Variants in KAT6B observed in about 807,000 individuals in gnomAD.
The protein encoded by KAT6B is histone acetyltransferase KAT6B.
In KAT6B, 10 loss-of-function variants were observed where a neutral mutation model predicts 187.5. The observed-to-expected ratio is 0.05, with a 90% CI of 0.03 to 0.09. The LOEUF is 0.09. Ranked by LOEUF, KAT6B falls within the 10% of genes least tolerant of loss-of-function variation. The probability of loss-of-function intolerance (pLI) is 1.00; values close to 1 mark genes in which losing one functional copy is unlikely to be tolerated. For missense variants in KAT6B, 1,952 were observed against 2,558.9 expected (o/e 0.76, Z 5.12); for synonymous variants, 861 against 926.8 (o/e 0.93, Z 1.29).
chr10:74,872,603 C>A (rs998669720), intron 3 of KAT6B, among the ~76,000 whole-genome samples: 19 of 152,110 alleles, frequency 1.2e-4, no homozygotes, highest in African/African-American at 4.3e-4. Flanking sequence ...ATTTTGAACT[C>A]CTAAGCTCAA....
At chr10:75,015,963 C>T (rs1844950197) in intron 13 of KAT6B, among the ~76,000 whole-genome samples, 1 of 152,170 alleles carries the variant, frequency 6.6e-6, no homozygotes, top group Non-Finnish European at 1.5e-5. Context: ...AGATCCCTGT[C>T]CCTATCCATG....
At chr10:74,861,956 C>G (rs1352755105) in intron 3 of KAT6B, among the ~76,000 whole-genome samples, 2 of 151,694 alleles carry the variant, frequency 1.3e-5, no homozygotes, top group Non-Finnish European at 2.9e-5. Context: ...CGATGGGCCT[C>G]TCTCCTCTTT....
At chr10:74,986,382 AT>A (rs1442935450) in intron 12 of KAT6B, among the ~76,000 whole-genome samples, 9 of 151,754 alleles carry the variant, frequency 5.9e-5, no homozygotes, top group Admixed American at 1.3e-4. Flanking sequence ...TATTTATGAT[AT>A]TTTTTTATAT....
At chr10:74,939,902 T>C (rs1375886602) in intron 3 of KAT6B, among the ~76,000 whole-genome samples, 1 of 152,232 alleles carries the variant, frequency 6.6e-6, no homozygotes, top group East Asian at 1.9e-4. Context: ...CATGGAAGTG[T>C]ACATGTGTAC....
intron 1 of KAT6B, among the ~76,000 whole-genome samples, chr10:74,836,500 G>A (rs1841321714): frequency 6.6e-6 from 1 of 152,122 alleles, no homozygotes; most frequent in African/African-American, 2.4e-5. Context: ...GCATCAGCTC[G>A]CTAAATATTT....
In KAT6B at chr10:74,848,761, G is replaced by A. The variant is rs182568578; in HGVS notation, c.621+5283G>A. Among the ~76,000 whole-genome samples, 10 of 152,056 alleles carry A rather than the reference G, an allele frequency of 6.6e-5. No homozygotes were observed. The East Asian group carries it at 1.2e-3, about 18-fold the overall frequency. ...ACTAAATCATAGTATGCTAATTGTC[G>A]ACCTATGATGATTCTTCCTTTGGCT... On this transcript the variant is annotated intron_variant, in intron 3 of 17. Coordinates refer to ENST00000287239, the MANE Select transcript of KAT6B (RefSeq NM_012330.4).
At chr10:75,004,543 A>G (rs1844071784) in intron 13 of KAT6B, among the ~76,000 whole-genome samples, 1 of 152,208 alleles carries the variant, frequency 6.6e-6, no homozygotes, top group African/African-American at 2.4e-5. Flanking sequence ...AGGATGAATG[A>G]TTTAGTCCTT....
At chr10:74,859,674 A>G (rs746166503) in intron 3 of KAT6B, among the ~76,000 whole-genome samples, 5 of 152,230 alleles carry the variant, frequency 3.3e-5, no homozygotes, top group Admixed American at 1.3e-4. Flanking sequence ...CTTAATAAAT[A>G]TGTTTTCTAG....
intron 7 of KAT6B, among the ~76,000 whole-genome samples, chr10:74,973,781 C>A (rs752199121): frequency 5.3e-5 from 8 of 152,066 alleles, no homozygotes; most frequent in Non-Finnish European, 1.2e-4. Context: ...TGAATAAAAT[C>A]TTTCATGGTA....
chr10:75,021,330 G>T (rs529386886), intron 15 of KAT6B, 45 bp downstream of exon 15: 2 of 1,596,678 alleles, frequency 1.3e-6, no homozygotes, highest in African/African-American at 2.7e-5. Flanking sequence ...CTTCAATCTT[G>T]TAGCATTCTT....
At chr10:74,873,305 GA>G (rs11310083) in intron 3 of KAT6B, among the ~76,000 whole-genome samples, 35,275 of 132,858 alleles carry the variant, frequency 0.27, 7,273 homozygotes, top group African/African-American at 0.58. Flanking sequence ...TACAAAAAAT[GA>G]AAAAAAAAAA....
At chr10:74,873,168 A>G (rs1025989810) in intron 3 of KAT6B, among the ~76,000 whole-genome samples, 3 of 152,162 alleles carry the variant, frequency 2.0e-5, no homozygotes, top group African/African-American at 7.2e-5. Flanking sequence ...TTTTCAAAAT[A>G]AAACTTTTTT....
intron 16 of KAT6B, among the ~76,000 whole-genome samples, chr10:75,022,980 G>T (rs1207408020): frequency 6.6e-6 from 1 of 152,172 alleles, no homozygotes; most frequent in African/African-American, 2.4e-5. Flanking sequence ...TCTTTCTCTT[G>T]TTCTTGGCAC....
chr10:74,969,650 A>T lies in KAT6B; in HGVS notation c.731-10A>T, dbSNP rs781546653. 1.3e-6 allele frequency: 2 copies of T among 1,568,852 alleles called. No individual in the cohort carries two copies. Among genetic ancestry groups the T allele is most frequent in the Non-Finnish European group, 1.8e-6 (2 of 1,138,980 alleles). On this transcript the variant is annotated splice_polypyrimidine_tract_variant and intron_variant, in intron 4 of 17. Coordinates refer to ENST00000287239, the MANE Select transcript of KAT6B (RefSeq NM_012330.4). ...ATTCCCATCAAGCAATTTGCTTTTT[A>T]TTCTCATAGGACACCCATCCTGTTT...
At chr10:75,017,088 C>A (rs1383864328) in intron 13 of KAT6B, among the ~76,000 whole-genome samples, 1 of 151,794 alleles carries the variant, frequency 6.6e-6, no homozygotes, top group Non-Finnish European at 1.5e-5. Flanking sequence ...GTCTCGAACT[C>A]CTGACCTCAG....
chr10:74,924,343 T>C (rs1848341945), intron 3 of KAT6B, among the ~76,000 whole-genome samples: 1 of 152,168 alleles, frequency 6.6e-6, no homozygotes, highest in African/African-American at 2.4e-5. Flanking sequence ...TTTGTTCAGA[T>C]TCTAAAAAAA....
At chr10:74,836,404 C>T (rs902454996) in intron 1 of KAT6B, among the ~76,000 whole-genome samples, 1 of 152,184 alleles carries the variant, frequency 6.6e-6, no homozygotes, top group Non-Finnish European at 1.5e-5. Flanking sequence ...CAGTGCTTTG[C>T]TATTTCTTAA....
intron 10 of KAT6B, among the ~76,000 whole-genome samples, chr10:74,981,306 TCTTC>T (rs558339853): frequency 0.013 from 1,754 of 140,000 alleles, 20 homozygotes; most frequent in Middle Eastern, 0.028. Context: ...TTTCTTTCTT[TCTTC>T]CTTCCTTCCT....
Position 75,030,268 on chromosome 10 carries a change from T to G in KAT6B, c.5444T>G (p.Phe1815Cys). 1.9e-6 allele frequency: 3 copies of G among 1,614,252 alleles called. No individual in the cohort carries two copies. The highest frequency in any genetic ancestry group is 2.5e-6 in the Non-Finnish European group (3 of 1,180,028). The change falls in exon 18 of 18, where the codon TTC becomes TGC. Residue 1815 changes from phenylalanine to cysteine, a missense_variant. Coordinates refer to ENST00000287239, the MANE Select transcript of KAT6B (RefSeq NM_012330.4). The surrounding 1 kb of genome is among the most constrained non-coding windows in gnomAD (Gnocchi z 4.8). ...AGHYPQPSAT[F>C]SLAKLQQLTN... ...CATTACCCGCAGCCGTCAGCCACCT[T>G]CAGCCTTGCCAAACTGCAGCAGTTA... is the stretch of plus-strand genomic sequence containing the variant.
Sources: gnomAD v4.1 joint callset for allele counts (sites outside exome capture counted in the v4.1 genomes callset) on GRCh38, gnomAD v4.1.1 for gene constraint, Gnocchi (gnomAD v3.1) non-coding constraint, MANE v1.5 for transcripts, NCBI Gene and HGNC (gene_info 2026-07-23, HGNC 2026-07-21) for gene names.